The following TUBB variants were observed in gnomAD, a reference collection of about 807,000 sequenced individuals.
TUBB encodes the protein tubulin beta chain.
Under a neutral mutation model 35.1 loss-of-function variants are expected in TUBB, and 2 were observed. The ratio of observed to expected loss-of-function variants is 0.06; its 90% confidence interval spans 0.02 to 0.18. TUBB has a LOEUF of 0.18. Among genes scored for constraint, TUBB ranks in the 10% least tolerant of loss-of-function variants. The pLI is 1.00. For missense variants in TUBB, 50 were observed against 599.4 expected (o/e 0.08, Z 9.57); for synonymous variants, 205 against 223.8 (o/e 0.92, Z 0.75).
chr6:30,724,920 T>C lies in TUBB; in HGVS notation c.*523T>C, dbSNP rs1776540654. The C allele has an allele frequency of 6.4e-6, 1 of 155,960 alleles. No homozygotes were observed. 9.7% of individuals were successfully genotyped at this position (155,960 alleles called of 1,614,324 possible). On this transcript the variant is annotated 3_prime_UTR_variant, in exon 4 of 4. Coordinates refer to ENST00000327892, the MANE Select transcript of TUBB (RefSeq NM_178014.4). This position sits in a 1 kb window ranked among gnomAD's most constrained non-coding sequence, Gnocchi z 4.4. Reference sequence around the variant, plus strand: ...AAGTATGTCCATTTCCCATCTCAGCTTCAAGGGAGGTGTCAGCAGTATTAT... The same window carrying C: ...AAGTATGTCCATTTCCCATCTCAGCCTCAAGGGAGGTGTCAGCAGTATTAT...
Position 30,720,424 on chromosome 6 carries a change from C to A in TUBB, c.-83C>A. The A allele has an allele frequency of 1.4e-6, 2 of 1,405,052 alleles. No individual in the cohort carries two copies. The highest frequency in any genetic ancestry group is 2.0e-6 in the Non-Finnish European group (2 of 993,818). 87.0% of individuals were successfully genotyped at this position (1,405,052 alleles called of 1,614,324 possible). The stretch of plus-strand genomic sequence containing the variant: ...TCTGGGGCGCATTCCAACCTTCCAG[C>A]CTGCGACCTGCGGAGAAAAAAAATT... On this transcript the variant is annotated 5_prime_UTR_variant, in exon 1 of 4. Transcript: ENST00000327892.
At chr6:30,720,655 C>T in intron 1 of TUBB, 92 bp downstream of exon 1, 1 of 1,112,574 alleles carries the variant, frequency 9.0e-7, no homozygotes, top group Non-Finnish European at 1.3e-6. Context: ...CACCCGCTAT[C>T]CTTAATCAAG....
At chr6:30,721,918 T>C in intron 1 of TUBB, 1 of 982,958 alleles carries the variant, frequency 1.0e-6, no homozygotes, top group African/African-American at 1.8e-5. Flanking sequence ...TTGGGATCCC[T>C]CCAGGTCAGG....
intron 1 of TUBB, chr6:30,721,633 T>C (rs1302453287): frequency 2.0e-6 from 2 of 985,260 alleles, no homozygotes; most frequent in Non-Finnish European, 2.4e-6. Context: ...GGCAGCTCTT[T>C]CCTCAGACCC....
At chr6:30,722,707 C>CT in intron 2 of TUBB, 62 bp downstream of exon 2, 1 of 1,416,632 alleles carries the variant, frequency 7.1e-7, no homozygotes, top group Non-Finnish European at 9.9e-7. Context: ...TCTGGGATCT[C>CT]TTTCCATTTC....
chr6:30,723,127 G>T (rs1265287340), intron 3 of TUBB, 99 bp downstream of exon 3: 3 of 1,085,606 alleles, frequency 2.8e-6, no homozygotes, highest in East Asian at 2.4e-5. Flanking sequence ...TGTTGTATTG[G>T]AGTGCTAATA....
chr6:30,721,781 G>C, intron 1 of TUBB: 9 of 985,420 alleles, frequency 9.1e-6, no homozygotes, highest in Non-Finnish European at 1.1e-5. Context: ...AGGGAAAGCT[G>C]TGGCTTTCTC....
intron 2 of TUBB, 37 bp downstream of exon 2, chr6:30,722,682 CCT>C: frequency 1.3e-6 from 2 of 1,531,270 alleles, no homozygotes; most frequent in Non-Finnish European, 1.8e-6. Context: ...GGTTCCCTTC[CCT>C]GTCTCCCACT....
rs747499670 is a variant in TUBB at position 30,724,589 on chromosome 6, C to T, written c.*192C>T. ...TACTTGTTTGTTGAATGTCTCCTCT[C>T]TCTTTCCACTCTGGGAAACCTAGGT... is the stretch of plus-strand genomic sequence containing the variant. On this transcript the variant is annotated 3_prime_UTR_variant, in exon 4 of 4. Transcript: ENST00000327892. This position sits in a 1 kb window ranked among gnomAD's most constrained non-coding sequence, Gnocchi z 4.4. 5.3e-6 allele frequency: 3 copies of T among 563,744 alleles called. No individual in the cohort carries two copies. The highest frequency in any genetic ancestry group is 3.8e-5 in the African/African-American group (2 of 53,242). The allele number at this position is 563,744 out of a possible 1,614,324, so 34.9% of individuals were successfully genotyped here.
chr6:30,721,946 G>T, intron 1 of TUBB: 2 of 966,664 alleles, frequency 2.1e-6, no homozygotes, highest in Non-Finnish European at 2.5e-6. Context: ...GACCATCCTG[G>T]GCAACAAAGC....
At chr6:30,721,946 G>C in intron 1 of TUBB, 1 of 966,664 alleles carries the variant, frequency 1.0e-6, no homozygotes, top group Non-Finnish European at 1.2e-6. Flanking sequence ...GACCATCCTG[G>C]GCAACAAAGC....
intron 3 of TUBB, 42 bp from the exon 4 acceptor site, chr6:30,723,298 C>G: frequency 6.8e-7 from 1 of 1,469,464 alleles, no homozygotes; most frequent in South Asian, 1.3e-5. Context: ...CATGTATCTT[C>G]CATACCCTGT....
chr6:30,723,329 C>T lies in TUBB; in HGVS notation c.278-11C>T, dbSNP rs1259644265. 6.3e-7 allele frequency: 1 copy of T among 1,588,360 alleles called. No homozygotes were observed. Among genetic ancestry groups the T allele is most frequent in the East Asian group, 2.2e-5 (1 of 44,674 alleles). On this transcript the variant is annotated splice_polypyrimidine_tract_variant and intron_variant, in intron 3 of 3. Transcript: ENST00000327892. ...CCTGTTAATTGAGCTTTTCTCCTGA[C>T]TGCATTCCAGGTCAGTCTGGGGCAG... is the stretch of plus-strand genomic sequence containing the variant.
At chr6:30,722,783 C>A in intron 2 of TUBB, 135 bp from the exon 3 acceptor site, 1 of 1,105,458 alleles carries the variant, frequency 9.0e-7, no homozygotes, top group Non-Finnish European at 1.3e-6. Context: ...ACCGTCGGGG[C>A]CAAAGACGTC....
In TUBB at chr6:30,720,376, G is replaced by A. The variant is rs1308337694; in HGVS notation, c.-131G>A. ...CCTCTCAGAACCTTCCTGCCGTCGC[G>A]TTTGCACCTCGCTGCTCCAGCCTCT... On this transcript the variant is annotated 5_prime_UTR_variant, in exon 1 of 4. Transcript: ENST00000327892. 1 of 861,638 alleles carries A rather than the reference G, an allele frequency of 1.2e-6. No homozygotes were observed. Among genetic ancestry groups the A allele is most frequent in the Non-Finnish European group, 1.9e-6 (1 of 514,474 alleles). The allele number at this position is 861,638 out of a possible 1,614,324, so 53.4% of individuals were successfully genotyped here.
Position 30,722,652 on chromosome 6 carries a change from G to C in TUBB, c.166+7G>C. ...TACTACAATGAAGCCACAGGTAAGG[G>C]CAGGAGCCCGGGCAGCTCAGGTTCC... On this transcript the variant is annotated splice_region_variant and intron_variant, in intron 2 of 3. Coordinates refer to ENST00000327892, the MANE Select transcript of TUBB (RefSeq NM_178014.4). The C allele has an allele frequency of 6.2e-7, 1 of 1,611,736 alleles. No individual in the cohort carries two copies. The highest frequency in any genetic ancestry group is 1.1e-5 in the South Asian group (1 of 90,954).
At position 30,724,371 on chromosome 6, in the gene TUBB, G is replaced by T; in HGVS notation, c.1309G>T (p.Gly437Cys). 1 of 1,612,152 alleles carries T rather than the reference G, an allele frequency of 6.2e-7. No homozygotes were observed. The highest frequency in any genetic ancestry group is 8.5e-7 in the Non-Finnish European group (1 of 1,179,676). Reference sequence around the variant, plus strand: ...CACCGCAGAAGAGGAGGAGGATTTCGGTGAGGAGGCCGAAGAGGAGGCCTA... The same window carrying T: ...CACCGCAGAAGAGGAGGAGGATTTCTGTGAGGAGGCCGAAGAGGAGGCCTA... ...DATAEEEEDF[G>C]EEAEEEA is the part of the protein sequence containing the mutation. Residue 437 changes from glycine to cysteine, a missense_variant, in exon 4 of 4, where the codon GGT becomes TGT. Around this residue, in one of 2 missense-constraint regions of TUBB, gnomAD observed 12 missense variants for 20.5 expected, o/e 0.59. Transcript: ENST00000327892. This position sits in a 1 kb window ranked among gnomAD's most constrained non-coding sequence, Gnocchi z 4.4.
In TUBB at chr6:30,724,508, T is replaced by A; in HGVS notation, c.*111T>A. 2 of 1,044,740 alleles carry A rather than the reference T, an allele frequency of 1.9e-6. No homozygotes were observed. Among genetic ancestry groups the A allele is most frequent in the Non-Finnish European group, 2.7e-6 (2 of 743,062 alleles). The allele number at this position is 1,044,740 out of a possible 1,614,324, so 64.7% of individuals were successfully genotyped here. A position where few individuals can be genotyped will look rare whatever the true frequency, so the allele number is the denominator to read the frequency against. On this transcript the variant is annotated 3_prime_UTR_variant, in exon 4 of 4. Coordinates refer to ENST00000327892, the MANE Select transcript of TUBB (RefSeq NM_178014.4). The surrounding 1 kb of genome is among the most constrained non-coding windows in gnomAD (Gnocchi z 4.4). ...TGCTGCCTCTATCTTGTTTTTTGTT[T>A]TTTCTTCTGGGGGGGGTCTAGAACA...
rs541815784 is a variant in TUBB at position 30,725,360 on chromosome 6, T to G, written c.*963T>G. On this transcript the variant is annotated 3_prime_UTR_variant, in exon 4 of 4. Coordinates refer to ENST00000327892, the MANE Select transcript of TUBB (RefSeq NM_178014.4). ...TTCTATTTTATGTTGAACTTGCTGC[T>G]TTTTTTCATATTGAAAAGATGACAT... The G allele has an allele frequency of 1.3e-5, 2 of 152,706 alleles. No individual in the cohort carries two copies. The highest frequency in any genetic ancestry group is 2.9e-5 in the Non-Finnish European group (2 of 68,446). 9.5% of individuals were successfully genotyped at this position (152,706 alleles called of 1,614,324 possible).
Sources: gnomAD v4.1 joint callset for allele counts on GRCh38, gnomAD v4.1.1 for gene constraint, gnomAD v4.1.1 regional missense constraint, Gnocchi (gnomAD v3.1) non-coding constraint, MANE v1.5 for transcripts, NCBI Gene and HGNC (gene_info 2026-07-23, HGNC 2026-07-21) for gene names.